Variants in DEPDC4 observed in about 807,000 individuals in gnomAD.
The protein encoded by DEPDC4 is DEP domain-containing protein 4.
Under a neutral mutation model 52.0 loss-of-function variants are expected in DEPDC4, and 52 were observed. That is an observed-to-expected ratio of 1.00 (90% CI 0.80 to 1.26). The LOEUF is 1.26. Among genes scored for constraint, DEPDC4 ranks in the 50% most tolerant of loss-of-function variants. The pLI is 0.00. For missense variants in DEPDC4, 530 were observed against 546.9 expected, an observed-to-expected ratio of 0.97 and a Z score of 0.31; for synonymous variants, 201 against 196.8, an observed-to-expected ratio of 1.02 and a Z score of -0.18.
At chr12:100,244,244 G>A (rs1406637943) in intron 8 of DEPDC4, among the ~76,000 whole-genome samples, 2 of 150,308 alleles carry the variant, frequency 1.3e-5, no homozygotes, top group African/African-American at 4.9e-5. Flanking sequence ...GCAGTGGCGC[G>A]ATCTCGGCTC....
At chr12:100,278,946 T>C in the DEPDC4 span, among the ~76,000 whole-genome samples, 3 of 152,142 alleles carry the variant, frequency 2.0e-5, no homozygotes, top group East Asian at 1.9e-4. Context: ...GAAATTCTTA[T>C]CTTTGTTCTT....
At chr12:100,257,294 T>C (rs568111353) in intron 3 of DEPDC4, among the ~76,000 whole-genome samples, 70 of 151,794 alleles carry the variant, frequency 4.6e-4, no homozygotes, top group Non-Finnish European at 3.5e-4. Context: ...GCCAGGCTGG[T>C]CTCAAACTTC....
chr12:100,242,453 A>AAAT (rs1208895939), intron 9 of DEPDC4, 33 bp downstream of exon 9: 3 of 152,562 alleles, frequency 2.0e-5, no homozygotes, highest in East Asian at 3.9e-4. Flanking sequence ...TACATTTTTC[A>AAAT]AATAATAATA....
intron 9 of DEPDC4, among the ~76,000 whole-genome samples, chr12:100,233,251 CTATA>C (rs1241037698): frequency 6.6e-6 from 1 of 152,150 alleles, no homozygotes; most frequent in African/African-American, 2.4e-5. Flanking sequence ...GCTGCCACTC[CTATA>C]TACATACATA....
At chr12:100,238,110 C>T (rs1402664409), downstream of DEPDC4, 4 of 968,010 alleles carry the variant, frequency 4.1e-6, no homozygotes, top group East Asian at 1.1e-4. Context: ...TACTAACTTC[C>T]TCCCCAACTT....
downstream of DEPDC4, among the ~76,000 whole-genome samples, chr12:100,239,481 T>G (rs2096150295): frequency 2.0e-5 from 3 of 151,972 alleles, no homozygotes; most frequent in African/African-American, 7.3e-5. Context: ...GCTCACGTGA[T>G]CCTCCCACTT....
At chr12:100,274,377 G>A in the DEPDC4 span, among the ~76,000 whole-genome samples, 3 of 152,166 alleles carry the variant, frequency 2.0e-5, no homozygotes, top group African/African-American at 7.2e-5. Context: ...TATTGTGATA[G>A]TGCTTTACTT....
intron 8 of DEPDC4, among the ~76,000 whole-genome samples, chr12:100,244,269 C>T (rs995249467): frequency 6.6e-6 from 1 of 151,448 alleles, no homozygotes; most frequent in Non-Finnish European, 1.5e-5. Flanking sequence ...CAAGCTCTGC[C>T]TCCTAGGTTC....
downstream of DEPDC4, among the ~76,000 whole-genome samples, chr12:100,238,643 A>C (rs2096147092): frequency 6.7e-6 from 1 of 149,830 alleles, no homozygotes; most frequent in Non-Finnish European, 1.5e-5. Flanking sequence ...CCACCACTGT[A>C]CCTGGCTAAT....
At chr12:100,277,646 A>G in the DEPDC4 span, among the ~76,000 whole-genome samples, 1 of 152,100 alleles carries the variant, frequency 6.6e-6, no homozygotes, top group Non-Finnish European at 1.5e-5. Flanking sequence ...TTGCTTTTTT[A>G]TCCAATTTGA....
In DEPDC4 at chr12:100,263,745, A is replaced by C. The variant is rs2096262264; in HGVS notation, c.306T>G (p.Ser102Arg). 1 of 1,614,028 alleles carries C rather than the reference A, an allele frequency of 6.2e-7. No individual in the cohort carries two copies. Among genetic ancestry groups the C allele is most frequent in the African/African-American group, 1.3e-5 (1 of 74,936 alleles). ...TGSDAVDVVL[S>R]HLMQNTCLSS... ...TTAGGCACGTGTTTTGCATAAGATG[A>C]CTTAAGACCACATCGACAGCATCAG... Residue 102 changes from serine to arginine, a missense_variant, in exon 2 of 10, where the codon AGT becomes AGG. Ser to Arg is a moderately radical substitution (Grantham distance 110). Transcript: ENST00000550587.
At position 100,263,845 on chromosome 12, in the gene DEPDC4, T is replaced by C; in HGVS notation, c.206A>G (p.His69Arg). 1 of 1,613,904 alleles carries C rather than the reference T, an allele frequency of 6.2e-7. No individual in the cohort carries two copies. The highest frequency in any genetic ancestry group is 8.5e-7 in the Non-Finnish European group (1 of 1,179,970). Residue 69 changes from histidine (H) to arginine (R), a missense_variant, in exon 2 of 10, where the codon CAC becomes CGC. By Grantham distance (29) the His-to-Arg change is conservative. Transcript: ENST00000550587. The stretch of plus-strand genomic sequence containing the variant: ...TATTTCCACTTGGGCCTGAAGAGAG[T>C]GAATAATACCATCCCATAGCTGAGT... ...QATQLWDGII[H>R]SLQAQVEIKR...
chr12:100,241,515 TA>T lies in DEPDC4; in HGVS notation c.*376del. On this transcript the variant is annotated 3_prime_UTR_variant, in exon 10 of 10. Transcript: ENST00000550587. ...GAGTTCGAGACCAGCCTGGGCAACA[TA>T]ATAGGACCCCTGTCTCTACAAAATA... 2.5e-6 allele frequency: 1 copy of T among 407,440 alleles called. No individual in the cohort carries two copies. The highest frequency in any genetic ancestry group is 3.6e-6 in the Non-Finnish European group (1 of 277,124). 25.2% of individuals were successfully genotyped at this position (407,440 alleles called of 1,614,324 possible). A position where few individuals can be genotyped will look rare whatever the true frequency, so the allele number is the denominator to read the frequency against.
At chr12:100,276,595 C>T in the DEPDC4 span, among the ~76,000 whole-genome samples, 1 of 152,162 alleles carries the variant, frequency 6.6e-6, no homozygotes, top group Non-Finnish European at 1.5e-5. Context: ...GCTTTAGTGT[C>T]CCAGAGTGTT....
chr12:100,256,893 G>C (rs542440461), intron 3 of DEPDC4, among the ~76,000 whole-genome samples: 11 of 151,794 alleles, frequency 7.2e-5, no homozygotes, highest in Non-Finnish European at 1.0e-4. Context: ...CGCCCGCCTC[G>C]GCCTCCCAAA....
the DEPDC4 span, among the ~76,000 whole-genome samples, chr12:100,273,732 C>G: frequency 6.6e-6 from 1 of 152,176 alleles, no homozygotes; most frequent in African/African-American, 2.4e-5. Flanking sequence ...TGGAATACTC[C>G]TTCCCCCCTT....
At chr12:100,252,657 C>T (rs1592886988) in intron 5 of DEPDC4, 121 bp from the exon 6 acceptor site, 5 of 946,502 alleles carry the variant, frequency 5.3e-6, no homozygotes, top group Non-Finnish European at 5.9e-6. Flanking sequence ...TTCTTTTCTA[C>T]AATTAAAATT....
downstream of DEPDC4, among the ~76,000 whole-genome samples, chr12:100,237,176 C>CT (rs1346764804): frequency 2.0e-5 from 3 of 149,218 alleles, no homozygotes; most frequent in African/African-American, 7.4e-5. Flanking sequence ...GCTCTTTTTT[C>CT]TTTCCATATG....
At chr12:100,267,230 C>T (rs1183627685), upstream of DEPDC4, 9 of 787,928 alleles carry the variant, frequency 1.1e-5, no homozygotes, top group South Asian at 1.9e-5. Flanking sequence ...CTCCCCACCC[C>T]TTTCCTTCTA....
Sources: allele counts gnomAD v4.1 joint callset (sites outside exome capture counted in the v4.1 genomes callset), GRCh38; gene constraint gnomAD v4.1.1; transcripts MANE v1.5; gene names NCBI Gene and HGNC (gene_info 2026-07-23, HGNC 2026-07-21).